The following COL26A1 variants were observed in gnomAD, a reference collection of about 807,000 sequenced individuals.
COL26A1 encodes collagen alpha-1(XXVI) chain.
COL26A1 carries 41 observed loss-of-function variants against 59.3 expected under a neutral mutation model. The observed-to-expected ratio is 0.69, with a 90% CI of 0.54 to 0.90. The LOEUF (loss-of-function observed/expected upper bound fraction) is 0.90. Among genes scored for constraint, COL26A1 ranks in the 40% least tolerant of loss-of-function variants. COL26A1 has a pLI of 0.00. For synonymous variants in COL26A1, 266 were observed against 256.0 expected (o/e 1.04, Z -0.37); for missense variants, 612 against 602.3 (o/e 1.02, Z -0.17).
chr7:101,434,079 TCC>T lies in COL26A1; in HGVS notation c.282-13603_282-13602del, dbSNP rs1562976925. Among the ~76,000 whole-genome samples the T allele has an allele frequency of 6.5e-3, 199 of 30,704 alleles. 10 individuals carry two copies. The highest frequency in any genetic ancestry group is 0.013 in the African/African-American group (142 of 11,244). 20.1% of individuals were successfully genotyped at this position (30,704 alleles called of 152,430 possible). ...CTCCCTCCCTCCCTCCCTCCCTCCC[TCC>T]CTCCCTCCCTCTTTCTTTCTGCTTT... is the stretch of plus-strand genomic sequence containing the variant. On this transcript the variant is annotated intron_variant, in intron 2 of 12. Transcript: ENST00000313669.
chr7:101,535,163 C>G (rs1047491712), intron 4 of COL26A1, among the ~76,000 whole-genome samples: 1 of 152,176 alleles, frequency 6.6e-6, no homozygotes, highest in African/African-American at 2.4e-5. Flanking sequence ...GACCCAGCTG[C>G]TCTCCTTGGA....
chr7:101,451,198 A>G (rs1348455673), intron 3 of COL26A1, among the ~76,000 whole-genome samples: 1 of 143,532 alleles, frequency 7.0e-6, no homozygotes, highest in Non-Finnish European at 1.5e-5. Flanking sequence ...AATTAATATA[A>G]TCTCAATAAT....
At chr7:101,555,939 C>T in intron 12 of COL26A1, 68 bp downstream of exon 12, 1 of 1,338,718 alleles carries the variant, frequency 7.5e-7, no homozygotes, top group Non-Finnish European at 1.0e-6. Context: ...ATGCTGCCCT[C>T]ATGGCTGCTG....
rs143790137 is a variant in COL26A1, at chr7:101,456,892, C to T, written c.385+9105C>T. Among the ~76,000 whole-genome samples the T allele has an allele frequency of 1.8e-4, 27 of 152,204 alleles. 1 individual carries two copies. In the East Asian group the frequency reaches 5.0e-3, roughly 28 times the overall value. ...TCCATCAGCTCCCAGAAAGTCTCTA[C>T]CCCAGTGTAATTGCTCAGTGGGTTC... On this transcript the variant is annotated intron_variant, in intron 3 of 12. Coordinates refer to ENST00000313669, the MANE Select transcript of COL26A1 (RefSeq NM_001278563.3).
intron 3 of COL26A1, among the ~76,000 whole-genome samples, chr7:101,454,579 G>C (rs530709282): frequency 6.6e-6 from 1 of 152,158 alleles, no homozygotes; most frequent in African/African-American, 2.4e-5. Flanking sequence ...TTCAAGGTCT[G>C]TTTAGTACCA....
intron 1 of COL26A1, among the ~76,000 whole-genome samples, chr7:101,415,902 G>A (rs979413702): frequency 6.7e-6 from 1 of 150,226 alleles, no homozygotes; most frequent in Non-Finnish European, 1.5e-5. Flanking sequence ...CAAAGTGCTG[G>A]GATTATAGGC....
intron 1 of COL26A1, among the ~76,000 whole-genome samples, chr7:101,409,742 C>G (rs1005935720): frequency 6.6e-6 from 1 of 152,196 alleles, no homozygotes; most frequent in African/African-American, 2.4e-5. Flanking sequence ...CTCAAATCCA[C>G]CTTCCTGAGA....
intron 1 of COL26A1, among the ~76,000 whole-genome samples, chr7:101,394,634 G>A (rs1375390416): frequency 7.0e-6 from 1 of 143,454 alleles, no homozygotes; most frequent in Non-Finnish European, 1.5e-5. Flanking sequence ...TGTTGCTCAG[G>A]CTGGTCTTGA....
chr7:101,408,943 G>C (rs569547200), intron 1 of COL26A1, among the ~76,000 whole-genome samples: 6 of 152,214 alleles, frequency 3.9e-5, no homozygotes, highest in East Asian at 1.9e-4. Context: ...AGACAGCCAC[G>C]TGCCAAGACC....
intron 1 of COL26A1, among the ~76,000 whole-genome samples, chr7:101,390,973 G>C (rs1342251421): frequency 6.6e-6 from 1 of 152,142 alleles, no homozygotes; most frequent in Non-Finnish European, 1.5e-5. Flanking sequence ...TCCCTCTCTA[G>C]GTCTACTCTT....
intron 2 of COL26A1, among the ~76,000 whole-genome samples, chr7:101,430,731 T>G (rs1792758458): frequency 1.3e-5 from 2 of 152,056 alleles, no homozygotes; most frequent in South Asian, 4.1e-4. Context: ...AGATTTGCTA[T>G]GGAGGCAATC....
intron 5 of COL26A1, among the ~76,000 whole-genome samples, 200 bp from the exon 6 acceptor site, chr7:101,543,798 G>A (rs1346581595): frequency 6.6e-6 from 1 of 152,244 alleles, no homozygotes; most frequent in Non-Finnish European, 1.5e-5. Flanking sequence ...TAGAATCATA[G>A]ATGTTTGTAA....
intron 2 of COL26A1, among the ~76,000 whole-genome samples, chr7:101,443,867 CTTTTCTTTTTTT>C (rs1252901542): frequency 7.7e-6 from 1 of 129,302 alleles, no homozygotes; most frequent in Non-Finnish European, 1.6e-5. Flanking sequence ...TTTCCTTTTT[CTTTTCTTTTTTT>C]TTTTTTTTTC....
chr7:101,365,465 C>T (rs1791021766), intron 1 of COL26A1, among the ~76,000 whole-genome samples: 1 of 152,030 alleles, frequency 6.6e-6, no homozygotes, highest in South Asian at 2.1e-4. Flanking sequence ...CTCGCTCTGT[C>T]TCCCAGGCTG....
chr7:101,531,432 G>A (rs1795366697), intron 3 of COL26A1, among the ~76,000 whole-genome samples: 1 of 152,218 alleles, frequency 6.6e-6, no homozygotes, highest in African/African-American at 2.4e-5. Flanking sequence ...TCCTCTAGTT[G>A]TTTGAATGTT....
At chr7:101,421,449 T>A (rs923052507) in intron 2 of COL26A1, among the ~76,000 whole-genome samples, 1 of 151,640 alleles carries the variant, frequency 6.6e-6, no homozygotes, top group Non-Finnish European at 1.5e-5. Flanking sequence ...ATGAGGCGGG[T>A]GGATCACTTG....
chr7:101,503,891 C>A (rs370239878), intron 3 of COL26A1, among the ~76,000 whole-genome samples: 12 of 152,236 alleles, frequency 7.9e-5, no homozygotes, highest in Non-Finnish European at 1.6e-4. Context: ...TTGTTAGAAC[C>A]TAGGCCTGCC....
intron 1 of COL26A1, among the ~76,000 whole-genome samples, chr7:101,412,850 C>T (rs1047727124): frequency 1.1e-4 from 17 of 152,196 alleles, no homozygotes; most frequent in Non-Finnish European, 2.4e-4. Context: ...AAGAACCCTC[C>T]CTGGCTAAGC....
rs1554341000 is a variant in COL26A1, at chr7:101,520,664, C to CACA, written c.386-12418_386-12417insACA. Among the ~76,000 whole-genome samples the CACA allele has an allele frequency of 5.7e-3, 546 of 95,946 alleles. 4 individuals carry two copies. The highest frequency in any genetic ancestry group is 0.024 in the African/African-American group (502 of 21,318). The allele number at this position is 95,946 out of a possible 152,430, so 62.9% of individuals were successfully genotyped here. A position where few individuals can be genotyped will look rare whatever the true frequency, so the allele number is the denominator to read the frequency against. ...CACACACACACACACACACACACAC[C>CACA]CCCGTGTTCTTGCATGTTTTTGCTC... On this transcript the variant is annotated intron_variant, in intron 3 of 12. Coordinates refer to ENST00000313669, the MANE Select transcript of COL26A1 (RefSeq NM_001278563.3).
Sources: allele counts gnomAD v4.1 joint callset (sites outside exome capture counted in the v4.1 genomes callset), GRCh38; gene constraint gnomAD v4.1.1; transcripts MANE v1.5; gene names NCBI Gene and HGNC (gene_info 2026-07-23, HGNC 2026-07-21).